The following DNAH3 variants were observed in gnomAD, a reference collection of about 807,000 sequenced individuals.
DNAH3 encodes dynein axonemal heavy chain 3, also known as axonemal beta dynein heavy chain 3.
In DNAH3, 332 loss-of-function variants were observed where a neutral mutation model predicts 432.5. That is an observed-to-expected ratio of 0.77 (90% CI 0.70 to 0.84). DNAH3 has a LOEUF of 0.84. DNAH3 is among the 40% of genes least tolerant of loss of function. The pLI, the probability that DNAH3 is intolerant of heterozygous loss-of-function variation, is 0.00. For synonymous variants in DNAH3, 1,956 were observed against 1,900.2 expected, an observed-to-expected ratio of 1.03 and a Z score of -0.76; for missense variants, 4,861 against 5,114.0, an observed-to-expected ratio of 0.95 and a Z score of 1.51.
chr16:20,951,526 C>T (rs997594630), intron 56 of DNAH3, among the ~76,000 whole-genome samples: 2 of 151,564 alleles, frequency 1.3e-5, no homozygotes, highest in African/African-American at 4.9e-5. Flanking sequence ...CTCACCGCAC[C>T]TCCACATCCG....
chr16:21,112,250 A>G, intron 12 of DNAH3, 152 bp from the exon 13 acceptor site: 2 of 609,996 alleles, frequency 3.3e-6, no homozygotes, highest in Non-Finnish European at 5.8e-6. Context: ...TTCATTAAAC[A>G]GAGAACTCAG....
chr16:20,995,851 G>A (rs1893911422), intron 44 of DNAH3, among the ~76,000 whole-genome samples: 1 of 152,222 alleles, frequency 6.6e-6, no homozygotes, highest in South Asian at 2.1e-4. Flanking sequence ...TGAAAACCCT[G>A]TAAACTTCAG....
intron 16 of DNAH3, among the ~76,000 whole-genome samples, chr16:21,102,402 C>A (rs2091858509): frequency 6.6e-6 from 1 of 152,136 alleles, no homozygotes; most frequent in African/African-American, 2.4e-5. Flanking sequence ...AAAATTGATG[C>A]CTTGGAAGTT....
chr16:21,125,382 G>T lies in DNAH3; in HGVS notation c.1209-12C>A. The T allele has an allele frequency of 6.3e-7, 1 of 1,574,904 alleles. No homozygotes were observed. The highest frequency in any genetic ancestry group is 2.3e-5 in the East Asian group (1 of 43,820). ...AGGTGGGGATCCACCTGTAAAGACA[G>T]AAGGGTGTCCATGTGAGAAGCTCTT... On this transcript the variant is annotated splice_polypyrimidine_tract_variant and intron_variant, in intron 8 of 61. Transcript: ENST00000261383.
At chr16:21,008,684 T>C (rs1165905523) in intron 41 of DNAH3, among the ~76,000 whole-genome samples, 1 of 152,154 alleles carries the variant, frequency 6.6e-6, no homozygotes, top group East Asian at 1.9e-4. Context: ...ATGGTCCCCT[T>C]TCCTCTCCGT....
At chr16:21,123,116 C>G (rs971543773) in intron 9 of DNAH3, among the ~76,000 whole-genome samples, 3 of 152,102 alleles carry the variant, frequency 2.0e-5, no homozygotes, top group Admixed American at 6.5e-5. Context: ...TGATTCAGTC[C>G]AAAAGTATTA....
chr16:21,052,779 C>T (rs2090002470), intron 28 of DNAH3, among the ~76,000 whole-genome samples: 1 of 152,184 alleles, frequency 6.6e-6, no homozygotes, highest in Admixed American at 6.5e-5. Context: ...CAAATTCCAT[C>T]CTATTTCCAG....
chr16:20,974,336 C>CCA (rs1444894754), intron 51 of DNAH3, among the ~76,000 whole-genome samples: 1 of 152,038 alleles, frequency 6.6e-6, no homozygotes, highest in Non-Finnish European at 1.5e-5. Flanking sequence ...CTGCCCCTGG[C>CCA]CACTTTGTTT....
intron 1 of DNAH3, among the ~76,000 whole-genome samples, chr16:21,147,750 T>C (rs12708641): frequency 0.48 from 72,868 of 151,998 alleles, 18,007 homozygotes; most frequent in East Asian, 0.69. Flanking sequence ...ACTCTCAGAT[T>C]CCAAGTGACC....
At chr16:20,961,050 CT>C (rs2084795648) in intron 53 of DNAH3, among the ~76,000 whole-genome samples, 4 of 152,082 alleles carry the variant, frequency 2.6e-5, no homozygotes, top group African/African-American at 9.6e-5. Flanking sequence ...CACAAATTTG[CT>C]GATGGTGAAC....
At chr16:21,112,238 G>T in intron 12 of DNAH3, 140 bp from the exon 13 acceptor site, 1 of 622,262 alleles carries the variant, frequency 1.6e-6, no homozygotes, top group Non-Finnish European at 2.8e-6. Context: ...TGTGGCAAAA[G>T]TTTCATTAAA....
chr16:20,964,228 T>C (rs575122717), exon 53 of DNAH3: 1 of 1,614,168 alleles, frequency 6.2e-7, no homozygotes, highest in African/African-American at 1.3e-5. Flanking sequence ...GTTCTTTTTC[T>C]CTTCCAGCTC....
intron 24 of DNAH3, among the ~76,000 whole-genome samples, chr16:21,066,881 G>A (rs992994207): frequency 6.6e-6 from 1 of 152,104 alleles, no homozygotes; most frequent in Non-Finnish European, 1.5e-5. Context: ...ATGAAGTAGG[G>A]GCCATTATTA....
intron 30 of DNAH3, 114 bp from the exon 31 acceptor site, chr16:21,049,796 G>A (rs2152742261): frequency 7.5e-7 from 1 of 1,326,154 alleles, no homozygotes; most frequent in East Asian, 2.3e-5. Flanking sequence ...TGAAGGAGCT[G>A]GGGCCCATGC....
intron 51 of DNAH3, 30 bp from the exon 52 acceptor site, chr16:20,970,020 A>G: frequency 6.2e-7 from 1 of 1,607,956 alleles, no homozygotes. Context: ...AAAGGAGATG[A>G]GTGCCCAGGG....
intron 55 of DNAH3, among the ~76,000 whole-genome samples, chr16:20,953,706 G>A (rs753512322): frequency 8.2e-4 from 124 of 151,950 alleles, no homozygotes; most frequent in Non-Finnish European, 1.7e-3. Context: ...CAAGTAGCTG[G>A]GACTACAGGC....
At chr16:21,089,565 A>T (rs925725642) in intron 18 of DNAH3, among the ~76,000 whole-genome samples, 8 of 152,242 alleles carry the variant, frequency 5.3e-5, no homozygotes, top group Admixed American at 5.2e-4. Context: ...AAACATAACA[A>T]GAAAATCTCC....
rs1391311914 is a variant in DNAH3, at chr16:20,976,471, G to T, written c.8077-1056C>A. Among the ~76,000 whole-genome samples the T allele has an allele frequency of 2.0e-5, 3 of 152,332 alleles. No individual in the cohort carries two copies. The East Asian group carries it at 5.8e-4, about 29-fold the overall frequency. On this transcript the variant is annotated intron_variant, in intron 50 of 61. Transcript: ENST00000261383. ...GCCTCCCAAAGTTCTGGGATTACAG[G>T]CATGAGCCACTGTGCCCAGCCAAAA...
chr16:21,054,447 C>T lies in DNAH3; in HGVS notation c.4012G>A (p.Gly1338Arg), dbSNP rs776579244. 57 of 1,613,978 alleles carry T rather than the reference C, an allele frequency of 3.5e-5. No homozygotes were observed. The highest frequency in any genetic ancestry group is 6.7e-5 in the East Asian group (3 of 44,888). ...TGGACATCGATGACCGTGAGGGCCCCGAGAGTGAGTCGAGCTCCACTGCTC... is the reference window on the plus strand; with the variant it reads ...TGGACATCGATGACCGTGAGGGCCCTGAGAGTGAGTCGAGCTCCACTGCTC... The change falls in exon 28 of 62, where the codon GGG (glycine) becomes AGG (arginine). Residue 1338 changes from glycine to arginine, a missense_variant. Transcript: ENST00000261383.
Sources: gnomAD v4.1 joint callset for allele counts (sites outside exome capture counted in the v4.1 genomes callset) on GRCh38, gnomAD v4.1.1 for gene constraint, MANE v1.5 for transcripts, NCBI Gene and HGNC (gene_info 2026-07-23, HGNC 2026-07-21) for gene names.